Variants in DSE observed in about 807,000 individuals in gnomAD.
DSE encodes dermatan-sulfate epimerase.
A neutral mutation model predicts 84.4 loss-of-function variants in DSE; 36 were observed. The observed-to-expected ratio is 0.43, with a 90% CI of 0.33 to 0.56. The LOEUF (loss-of-function observed/expected upper bound fraction) is 0.56, where lower values mean the gene tolerates loss of function less well. Among genes scored for constraint, DSE ranks in the 20% least tolerant of loss-of-function variants. The pLI is 0.06. For synonymous variants in DSE, 410 were observed against 430.1 expected (o/e 0.95, Z 0.58); for missense variants, 862 against 1,169.6 (o/e 0.74, Z 3.84).
intron 2 of DSE, among the ~76,000 whole-genome samples, chr6:116,321,069 C>T (rs1277142759): frequency 6.6e-6 from 1 of 152,170 alleles, no homozygotes; most frequent in Non-Finnish European, 1.5e-5. Flanking sequence ...CTTAGAAAAG[C>T]AGTTCTGCAA....
At chr6:116,273,960 G>A (rs2114619656) in intron 2 of DSE, among the ~76,000 whole-genome samples, 1 of 151,270 alleles carries the variant, frequency 6.6e-6, no homozygotes, top group East Asian at 2.0e-4. Flanking sequence ...CTCCCGAGTA[G>A]CTGGAATTAC....
chr6:116,428,832 G>A (rs1783615642), intron 3 of DSE, among the ~76,000 whole-genome samples: 1 of 152,282 alleles, frequency 6.6e-6, no homozygotes, highest in Non-Finnish European at 1.5e-5. Context: ...AAGATGGATA[G>A]GAGAACTTAA....
At chr6:116,350,912 GAA>G (rs57384750) in intron 2 of DSE, among the ~76,000 whole-genome samples, 6 of 141,606 alleles carry the variant, frequency 4.2e-5, no homozygotes, top group African/African-American at 1.5e-4. Context: ...CTTCCTTTTG[GAA>G]AAAAAAAAAA....
chr6:116,260,240 G>GTTGA (rs1410812713), intron 2 of DSE, among the ~76,000 whole-genome samples: 1 of 152,062 alleles, frequency 6.6e-6, no homozygotes, highest in African/African-American at 2.4e-5. Context: ...AATCAGTGAT[G>GTTGA]TTGAGCTTTT....
At chr6:116,328,123 T>C (rs559550814) in intron 2 of DSE, among the ~76,000 whole-genome samples, 1 of 152,320 alleles carries the variant, frequency 6.6e-6, no homozygotes, top group Non-Finnish European at 1.5e-5. Context: ...TTTCTTCTGT[T>C]TATTTTGTGA....
intron 2 of DSE, among the ~76,000 whole-genome samples, chr6:116,269,337 TAGA>T (rs1772778718): frequency 2.0e-5 from 3 of 152,220 alleles, no homozygotes; most frequent in Admixed American, 2.0e-4. Context: ...TTTCAATAAA[TAGA>T]AGCTGACTTG....
Position 116,435,782 on chromosome 6 carries a change from TTG to T in DSE, c.1315_1316del (p.Trp439AspfsTer8). The T allele has an allele frequency of 1.2e-6, 2 of 1,614,084 alleles. No homozygotes were observed. Among genetic ancestry groups the T allele is most frequent in the Non-Finnish European group, 1.7e-6 (2 of 1,180,008 alleles). Reference protein sequence around the residue: ...DIVHRNKYKDWIKGWRNFNAG... With the variant: ...DIVHRNKYKDXIKGWRNFNAG... ...TTGTCCACAGAAACAAATACAAAGA[TTG>T]GATCAAAGGATGGAGAAATTTTAAT... On this transcript the variant is annotated frameshift_variant, in exon 6 of 6. Coordinates refer to ENST00000644252, the MANE Select transcript of DSE (RefSeq NM_013352.4). LOFTEE classifies it high-confidence loss of function.
intron 2 of DSE, among the ~76,000 whole-genome samples, chr6:116,408,196 G>A (rs761892240): frequency 6.6e-6 from 1 of 152,036 alleles, no homozygotes; most frequent in Non-Finnish European, 1.5e-5. Flanking sequence ...TTCTAGATTC[G>A]GCTCCAAAGA....
At chr6:116,314,286 C>T (rs993581536) in intron 2 of DSE, among the ~76,000 whole-genome samples, 2 of 152,178 alleles carry the variant, frequency 1.3e-5, no homozygotes, top group East Asian at 3.8e-4. Context: ...ATTGCTCCCC[C>T]TTCCTTTACT....
intron 2 of DSE, among the ~76,000 whole-genome samples, chr6:116,408,143 G>A (rs1782055969): frequency 1.3e-5 from 2 of 152,158 alleles, no homozygotes; most frequent in Non-Finnish European, 2.9e-5. Flanking sequence ...TTGGTTTGCA[G>A]TCATAACTGG....
intron 2 of DSE, among the ~76,000 whole-genome samples, chr6:116,314,306 A>ACTTAATT (rs1413399161): frequency 6.6e-6 from 1 of 152,172 alleles, no homozygotes; most frequent in Non-Finnish European, 1.5e-5. Context: ...TCAGCCTCAG[A>ACTTAATT]CTTAATTCTT....
chr6:116,328,200 G>A lies in DSE; in HGVS notation c.-54+69233G>A, dbSNP rs115448416. On this transcript the variant is annotated intron_variant, in intron 2 of 3. Coordinates refer to the DSE transcript ENST00000430252. ...TCAATGAAACATAGAAAACATACAA[G>A]GTACAGTCATTTTGGTTAGGGGAGA... Among the ~76,000 whole-genome samples the A allele has an allele frequency of 3.1e-3, 469 of 152,242 alleles. 5 individuals are homozygous for A. Among genetic ancestry groups the A allele is most frequent in the African/African-American group, 0.011 (449 of 41,542 alleles).
At chr6:116,412,040 T>A (rs1782404510) in intron 2 of DSE, among the ~76,000 whole-genome samples, 1 of 152,208 alleles carries the variant, frequency 6.6e-6, no homozygotes, top group Non-Finnish European at 1.5e-5. Flanking sequence ...CCCCACAACA[T>A]TTTTTATGAT....
Position 116,296,637 on chromosome 6 carries a change from C to A in DSE, c.-54+37670C>A, listed in dbSNP as rs183509132. Among the ~76,000 whole-genome samples, 330 of 152,142 alleles carry A rather than the reference C, an allele frequency of 2.2e-3. 3 individuals carry two copies. The highest frequency in any genetic ancestry group is 3.3e-3 in the Admixed American group (51 of 15,278). On this transcript the variant is annotated intron_variant, in intron 2 of 3. Transcript: ENST00000430252. The stretch of plus-strand genomic sequence containing the variant: ...GGAATTACATTATAAGTGGAATGAA[C>A]AAAGGAGCAAAGACCCTGAGACAGG...
In DSE at chr6:116,391,597, T is replaced by A. The variant is rs548786256; in HGVS notation, c.-53-7601T>A. Among the ~76,000 whole-genome samples the A allele has an allele frequency of 2.6e-5, 4 of 152,054 alleles. No homozygotes were observed. The East Asian group carries it at 7.7e-4, about 29-fold the overall frequency. On this transcript the variant is annotated intron_variant, in intron 1 of 5. Transcript: ENST00000644252. ...CTGGCTAACATGGTGAAACCCCGTCTCTACTAAAAATACAAAAAATTAGCT... is the reference window on the plus strand; with the variant it reads ...CTGGCTAACATGGTGAAACCCCGTCACTACTAAAAATACAAAAAATTAGCT...
intron 2 of DSE, among the ~76,000 whole-genome samples, chr6:116,410,858 A>C (rs1008912091): frequency 1.3e-5 from 2 of 152,052 alleles, no homozygotes; most frequent in Non-Finnish European, 2.9e-5. Context: ...GAAAACCTAG[A>C]ATAGGAAATA....
At position 116,440,307 on chromosome 6, in the gene DSE, T is replaced by C. The variant is rs1384957549; in HGVS notation, c.*2962T>C. The C allele has an allele frequency of 2.6e-5, 4 of 152,220 alleles. No individual in the cohort carries two copies. Among genetic ancestry groups the C allele is most frequent in the Non-Finnish European group, 5.9e-5 (4 of 68,046 alleles). 9.4% of individuals were successfully genotyped at this position (152,220 alleles called of 1,614,324 possible). Reference sequence around the variant, plus strand: ...TACTCAGTTTTTAAAAAATTATTTTTATTTCTAGAGACACGGTCCTTTCTG... The same window carrying C: ...TACTCAGTTTTTAAAAAATTATTTTCATTTCTAGAGACACGGTCCTTTCTG... On this transcript the variant is annotated 3_prime_UTR_variant, in exon 6 of 6. Coordinates refer to ENST00000644252, the MANE Select transcript of DSE (RefSeq NM_013352.4).
chr6:116,277,208 CAAGT>C (rs1373861499), intron 2 of DSE: 16 of 152,732 alleles, frequency 1.0e-4, no homozygotes, highest in African/African-American at 2.6e-4. Context: ...GGTCACAAAA[CAAGT>C]AAGAAAGCAT....
chr6:116,434,220 T>A (rs942282355), intron 5 of DSE, among the ~76,000 whole-genome samples: 2 of 152,220 alleles, frequency 1.3e-5, no homozygotes, highest in South Asian at 2.1e-4. Context: ...GCCAAATATG[T>A]TGTTGGCATC....
Sources: gnomAD v4.1 joint callset for allele counts (sites outside exome capture counted in the v4.1 genomes callset) on GRCh38, gnomAD v4.1.1 for gene constraint, MANE v1.5 for transcripts, NCBI Gene and HGNC (gene_info 2026-07-23, HGNC 2026-07-21) for gene names.